MED27: variants seen among roughly 807,000 people sequenced by gnomAD.
MED27 encodes the protein mediator of RNA polymerase II transcription subunit 27.
MED27 carries 30 observed loss-of-function variants against 38.2 expected under a neutral mutation model. The ratio of observed to expected loss-of-function variants is 0.79; its 90% CI spans 0.59 to 1.07. The LOEUF is 1.07. Ranked by LOEUF, MED27 falls within the 50% of genes least tolerant of loss-of-function variation. MED27 has a pLI of 0.00. For synonymous variants in MED27, 122 were observed against 153.5 expected (o/e 0.79, Z 1.52); for missense variants, 289 against 397.5 (o/e 0.73, Z 2.32).
At chr9:131,890,699 C>T (rs756815614) in intron 5 of MED27, among the ~76,000 whole-genome samples, 14 of 152,176 alleles carry the variant, frequency 9.2e-5, no homozygotes, top group Admixed American at 2.0e-4. Flanking sequence ...GACAGTCACA[C>T]GATGGAGCCT....
chr9:131,873,857 T>C (rs2131465353), intron 6 of MED27, among the ~76,000 whole-genome samples: 1 of 152,318 alleles, frequency 6.6e-6, no homozygotes, highest in East Asian at 1.9e-4. Flanking sequence ...CCTCTACATA[T>C]CAGATGTGGT....
At chr9:131,953,819 T>C (rs1476051305) in intron 3 of MED27, among the ~76,000 whole-genome samples, 2 of 39,422 alleles carry the variant, frequency 5.1e-5, no homozygotes, top group African/African-American at 1.8e-4. Context: ...CTTTTATATC[T>C]TTTTTTTTTT....
chr9:131,959,647 T>C (rs1831174945), intron 3 of MED27, among the ~76,000 whole-genome samples: 2 of 152,228 alleles, frequency 1.3e-5, no homozygotes, highest in South Asian at 4.1e-4. Context: ...GCTTACTACA[T>C]GCACAAAGAA....
At chr9:131,911,276 A>G (rs947628906) in intron 4 of MED27, among the ~76,000 whole-genome samples, 22 of 152,228 alleles carry the variant, frequency 1.4e-4, no homozygotes, top group African/African-American at 4.8e-4. Context: ...ACTAAACATT[A>G]GGAGGATTTT....
Position 132,079,761 on chromosome 9 carries a change from C to G in MED27, c.84G>C (p.Val28=). ...ISAIQALRSS[V]SRVFDCLKDG... Reference sequence around the variant, plus strand: ...CCTTCAGGCAGTCGAACACCCTGCTCACGCTGGAGCGCAGCGCCTGGATGG... The same window carrying G: ...CCTTCAGGCAGTCGAACACCCTGCTGACGCTGGAGCGCAGCGCCTGGATGG... Residue 28 remains valine, a synonymous_variant, in exon 1 of 8, where the codon GTG becomes GTC. Transcript: ENST00000292035. The G allele has an allele frequency of 1.2e-6, 2 of 1,614,142 alleles. No individual in the cohort carries two copies. The highest frequency in any genetic ancestry group is 1.7e-6 in the Non-Finnish European group (2 of 1,180,016).
chr9:131,984,611 T>C (rs1486532616), intron 3 of MED27, among the ~76,000 whole-genome samples: 1 of 152,172 alleles, frequency 6.6e-6, no homozygotes, highest in African/African-American at 2.4e-5. Context: ...GAAGCTACTT[T>C]AGATTGGGTA....
Position 131,862,991 on chromosome 9 carries a change from C to A in MED27, c.801+72G>T. The A allele has an allele frequency of 7.2e-7, 1 of 1,391,162 alleles. No individual in the cohort carries two copies. Among genetic ancestry groups the A allele is most frequent in the South Asian group, 1.2e-5 (1 of 83,836 alleles). The allele number at this position is 1,391,162 out of a possible 1,614,324, so 86.2% of individuals were successfully genotyped here. A position where few individuals can be genotyped will look rare whatever the true frequency, so the allele number is the denominator to read the frequency against. On this transcript the variant is annotated intron_variant, in intron 7 of 7. Transcript: ENST00000292035. The surrounding 1 kb of genome is among the most constrained non-coding windows in gnomAD (Gnocchi z 4.6). ...AAAGTCTGAAGATGCAACGGCTGCCCTTCAAGCTCCCTGTTCTCACTTGAA... is the reference window on the plus strand; with the variant it reads ...AAAGTCTGAAGATGCAACGGCTGCCATTCAAGCTCCCTGTTCTCACTTGAA...
At chr9:131,988,888 C>T (rs79352850) in intron 3 of MED27, among the ~76,000 whole-genome samples, 4 of 3,888 alleles carry the variant, frequency 1.0e-3, no homozygotes, top group East Asian at 0.022. Flanking sequence ...TTGGCTGCGC[C>T]GAGGGTGAAC....
intron 3 of MED27, among the ~76,000 whole-genome samples, chr9:132,001,113 GA>G (rs963263220): frequency 1.3e-5 from 2 of 149,594 alleles, no homozygotes; most frequent in African/African-American, 4.9e-5. Flanking sequence ...GAGAAAAAAA[GA>G]AAAAAAAAGT....
intron 3 of MED27, among the ~76,000 whole-genome samples, chr9:132,013,260 G>A (rs1441804330): frequency 7.9e-5 from 12 of 152,200 alleles, no homozygotes; most frequent in Non-Finnish European, 1.8e-4. Flanking sequence ...CACTGCAACA[G>A]AAAAAGGACA....
chr9:131,998,717 G>A (rs1316778496), intron 3 of MED27, among the ~76,000 whole-genome samples: 1 of 152,060 alleles, frequency 6.6e-6, no homozygotes, highest in Non-Finnish European at 1.5e-5. Flanking sequence ...AGAATGGTGG[G>A]GTGAGGTCTG....
chr9:131,957,494 G>A (rs919247066), intron 3 of MED27, among the ~76,000 whole-genome samples: 4 of 152,044 alleles, frequency 2.6e-5, no homozygotes, highest in Admixed American at 1.3e-4. Flanking sequence ...GAGCTCAAGC[G>A]AGCCTCCCCC....
At chr9:132,016,868 A>G (rs1286512463) in intron 2 of MED27, among the ~76,000 whole-genome samples, 3 of 152,174 alleles carry the variant, frequency 2.0e-5, no homozygotes, top group African/African-American at 4.8e-5. Flanking sequence ...CAAAAACCCA[A>G]AACAGCAGAA....
At chr9:131,967,537 G>T (rs986791656) in intron 3 of MED27, among the ~76,000 whole-genome samples, 2 of 151,148 alleles carry the variant, frequency 1.3e-5, no homozygotes, top group Non-Finnish European at 2.9e-5. Context: ...TGTTGCCCAG[G>T]CTGGAGTGCA....
intron 3 of MED27, among the ~76,000 whole-genome samples, chr9:131,953,476 T>C (rs951707227): frequency 6.6e-6 from 1 of 152,252 alleles, no homozygotes; most frequent in Admixed American, 6.5e-5. Context: ...TCTGTAGGTA[T>C]AGAACAATAT....
intron 4 of MED27, among the ~76,000 whole-genome samples, chr9:131,926,706 G>A (rs1261121204): frequency 6.6e-6 from 1 of 152,186 alleles, no homozygotes; most frequent in African/African-American, 2.4e-5. Context: ...CAAAGAACTC[G>A]GGGTGGAGTA....
chr9:131,998,264 A>AT (rs1196379000), intron 3 of MED27, among the ~76,000 whole-genome samples: 2 of 151,478 alleles, frequency 1.3e-5, no homozygotes, highest in Admixed American at 6.6e-5. Flanking sequence ...AAAAAAAAAA[A>AT]GACACATTTT....
At chr9:131,884,457 T>C (rs531779844) in intron 5 of MED27, among the ~76,000 whole-genome samples, 75 of 152,336 alleles carry the variant, frequency 4.9e-4, no homozygotes, top group Non-Finnish European at 1.0e-3. Context: ...GCACTTGCTG[T>C]GCCCTTTGCC....
At chr9:132,065,746 G>A (rs1203956133) in intron 2 of MED27, among the ~76,000 whole-genome samples, 3 of 152,254 alleles carry the variant, frequency 2.0e-5, no homozygotes, top group East Asian at 3.8e-4. Context: ...CCTGTCCCCA[G>A]TGATTCCCTT....
Sources: gnomAD v4.1 joint callset for allele counts (sites outside exome capture counted in the v4.1 genomes callset) on GRCh38, gnomAD v4.1.1 for gene constraint, Gnocchi (gnomAD v3.1) non-coding constraint, MANE v1.5 for transcripts, NCBI Gene and HGNC (gene_info 2026-07-23, HGNC 2026-07-21) for gene names.